PRDM1: variants seen among roughly 807,000 people sequenced by gnomAD.
PRDM1 encodes the protein PR domain zinc finger protein 1.
PRDM1 carries 13 observed loss-of-function variants against 62.8 expected under a neutral mutation model. The observed-to-expected ratio is 0.21, with a 90% confidence interval of 0.13 to 0.33. The LOEUF is 0.33. Among genes scored for constraint, PRDM1 ranks in the 10% least tolerant of loss-of-function variants. PRDM1 has a pLI of 1.00. For missense variants in PRDM1, 895 were observed against 1,058.8 expected (o/e 0.85, Z 2.15); for synonymous variants, 396 against 417.6 (o/e 0.95, Z 0.63).
chr6:106,094,739 C>A (rs1774048816), intron 2 of PRDM1, among the ~76,000 whole-genome samples: 1 of 151,832 alleles, frequency 6.6e-6, no homozygotes, highest in Non-Finnish European at 1.5e-5. Context: ...CCCTTCTCAA[C>A]AATAACAACA....
intron 4 of PRDM1, 103 bp downstream of exon 4, chr6:106,099,655 T>C: frequency 6.8e-7 from 1 of 1,474,944 alleles, no homozygotes; most frequent in Non-Finnish European, 9.1e-7. Flanking sequence ...TGTCATGTGT[T>C]GGATGAAGTA....
intron 1 of PRDM1, among the ~76,000 whole-genome samples, chr6:106,071,324 T>C (rs1267416818): frequency 4.6e-5 from 7 of 151,988 alleles, no homozygotes; most frequent in Non-Finnish European, 1.0e-4. Flanking sequence ...ATTCAGAGAA[T>C]GAGGAGAATT....
chr6:106,057,842 AT>A (rs1362900675), intron 1 of PRDM1, among the ~76,000 whole-genome samples: 1 of 152,198 alleles, frequency 6.6e-6, no homozygotes, highest in Admixed American at 6.5e-5. Context: ...ACCTTAGATA[AT>A]TCATTTTCCT....
intron 1 of PRDM1, among the ~76,000 whole-genome samples, chr6:106,021,521 T>G (rs889972865): frequency 6.6e-6 from 1 of 152,228 alleles, no homozygotes; most frequent in Non-Finnish European, 1.5e-5. Flanking sequence ...AAGAAGAAGC[T>G]TTCTTGAGTA....
Position 106,105,357 on chromosome 6 carries a change from G to T in PRDM1, c.1197G>T (p.Pro399=). 6.2e-7 allele frequency: 1 copy of T among 1,613,486 alleles called. No homozygotes were observed. The highest frequency in any genetic ancestry group is 8.5e-7 in the Non-Finnish European group (1 of 1,179,660). Residue 399 remains proline, a synonymous_variant, in exon 5 of 7, where the codon CCG becomes CCT. Coordinates refer to ENST00000369096, the MANE Select transcript of PRDM1 (RefSeq NM_001198.4). ...GCTACGCACCCCTGCCCCACCTCCC[G>T]CCAGCTTTCATCCCCTCGTACAACG... ...YPGYAPLPHL[P]PAFIPSYNAH...
intron 2 of PRDM1, among the ~76,000 whole-genome samples, chr6:106,089,821 T>G: frequency 6.6e-6 from 1 of 152,194 alleles, no homozygotes; most frequent in East Asian, 1.9e-4. Context: ...AAAAGTGTAG[T>G]GTGTTTTTTC....
chr6:105,999,862 C>A (rs772493030), intron 1 of PRDM1, among the ~76,000 whole-genome samples: 1 of 151,378 alleles, frequency 6.6e-6, no homozygotes, highest in Admixed American at 6.6e-5. Flanking sequence ...CTATGTGTTT[C>A]TTTTTTTTTG....
At chr6:106,034,043 A>C (rs927482554) in intron 1 of PRDM1, among the ~76,000 whole-genome samples, 2 of 152,142 alleles carry the variant, frequency 1.3e-5, no homozygotes, top group Non-Finnish European at 2.9e-5. Context: ...TTAGCATACA[A>C]ATATTCATGG....
chr6:106,085,874 G>A (rs1285696476), upstream of PRDM1, among the ~76,000 whole-genome samples: 2 of 151,394 alleles, frequency 1.3e-5, no homozygotes, highest in Non-Finnish European at 2.9e-5. Flanking sequence ...GGGGAAACGT[G>A]CGTTACATAC....
At chr6:106,088,054 AC>A (rs1217378953) in intron 1 of PRDM1, 146 bp from the exon 2 acceptor site, 5 of 792,698 alleles carry the variant, frequency 6.3e-6, no homozygotes, top group Non-Finnish European at 8.7e-6. Flanking sequence ...TTTACTTTAT[AC>A]GGCTTCTTGG....
intron 2 of PRDM1, among the ~76,000 whole-genome samples, chr6:106,092,625 G>A (rs1261604282): frequency 6.6e-6 from 1 of 152,196 alleles, no homozygotes; most frequent in Non-Finnish European, 1.5e-5. Context: ...GGGTCAGGGA[G>A]ATGGGTAGTC....
intron 1 of PRDM1, among the ~76,000 whole-genome samples, chr6:106,078,943 AATT>A (rs968941245): frequency 1.3e-5 from 2 of 151,536 alleles, no homozygotes; most frequent in African/African-American, 2.4e-5. Context: ...ATTTTAAAAA[AATT>A]ATTATTATTA....
intron 1 of PRDM1, among the ~76,000 whole-genome samples, chr6:106,053,459 A>G (rs992533899): frequency 1.3e-5 from 2 of 151,870 alleles, no homozygotes; most frequent in African/African-American, 4.9e-5. Context: ...AAAAGAAAAA[A>G]CACAGTTGAG....
intron 1 of PRDM1, among the ~76,000 whole-genome samples, chr6:106,049,146 A>C (rs1025917314): frequency 2.0e-4 from 30 of 152,132 alleles, no homozygotes; most frequent in Non-Finnish European, 1.2e-4. Context: ...GCACTTTTGG[A>C]GGCAGCAGAG....
intron 1 of PRDM1, among the ~76,000 whole-genome samples, chr6:106,026,602 G>C (rs1429758682): frequency 1.3e-5 from 2 of 152,232 alleles, no homozygotes; most frequent in Non-Finnish European, 2.9e-5. Context: ...AAGTGACAGT[G>C]GGTGAAGGGT....
chr6:106,038,593 G>C (rs1435454501), intron 1 of PRDM1, among the ~76,000 whole-genome samples: 1 of 152,188 alleles, frequency 6.6e-6, no homozygotes, highest in Non-Finnish European at 1.5e-5. Context: ...GGGATGGTAT[G>C]TGCAACAAAG....
At chr6:106,092,746 G>A (rs538736777) in intron 2 of PRDM1, among the ~76,000 whole-genome samples, 2 of 152,204 alleles carry the variant, frequency 1.3e-5, no homozygotes, top group African/African-American at 4.8e-5. Flanking sequence ...AAGTTACCTG[G>A]ACAAGCACCA....
chr6:106,037,803 G>T (rs940344627), intron 1 of PRDM1, among the ~76,000 whole-genome samples: 3 of 151,592 alleles, frequency 2.0e-5, no homozygotes, highest in East Asian at 3.9e-4. Context: ...GCATATTTAA[G>T]ACTGTTTTTT....
chr6:105,996,519 AAG>A (rs1450089831), intron 1 of PRDM1, among the ~76,000 whole-genome samples: 1 of 152,122 alleles, frequency 6.6e-6, no homozygotes, highest in Non-Finnish European at 1.5e-5. Flanking sequence ...ACACATTGGA[AAG>A]AGGGGGAAGT....
Sources: allele counts gnomAD v4.1 joint callset (sites outside exome capture counted in the v4.1 genomes callset), GRCh38; gene constraint gnomAD v4.1.1; transcripts MANE v1.5; gene names NCBI Gene and HGNC (gene_info 2026-07-23, HGNC 2026-07-21).